Variants in KAT6A observed in about 807,000 individuals in gnomAD.
The protein encoded by KAT6A is histone acetyltransferase KAT6A.
A neutral mutation model predicts 198.4 loss-of-function variants in KAT6A; 9 were observed. That is an observed-to-expected ratio of 0.05 (90% CI 0.03 to 0.08). The LOEUF is 0.08. Ranked by LOEUF, KAT6A falls within the 10% of genes least tolerant of loss-of-function variation. The probability of loss-of-function intolerance (pLI) is 1.00; values close to 1 mark genes in which losing one functional copy is unlikely to be tolerated. For missense variants in KAT6A, 2,077 were observed against 2,509.9 expected, an observed-to-expected ratio of 0.83 and a Z score of 3.69; for synonymous variants, 890 against 883.0, an observed-to-expected ratio of 1.01 and a Z score of -0.14.
chr8:41,940,501 T>C (rs1371493362), intron 15 of KAT6A, among the ~76,000 whole-genome samples: 1 of 152,200 alleles, frequency 6.6e-6, no homozygotes, highest in Non-Finnish European at 1.5e-5. Context: ...TTTAAAAATA[T>C]CTTTTAAAGA....
intron 2 of KAT6A, among the ~76,000 whole-genome samples, chr8:42,038,227 C>A (rs531762778): frequency 3.0e-4 from 46 of 152,240 alleles, no homozygotes; most frequent in African/African-American, 9.4e-4. Flanking sequence ...TCAAGGAGTA[C>A]TTTTTCTTCC....
At chr8:41,936,394 G>A (rs561748594) in intron 16 of KAT6A, among the ~76,000 whole-genome samples, 25 of 152,330 alleles carry the variant, frequency 1.6e-4, no homozygotes, top group Non-Finnish European at 2.8e-4. Flanking sequence ...ACCAGTTAAT[G>A]CATAAAAGCT....
chr8:41,978,790 A>T lies in KAT6A; in HGVS notation c.908-13T>A. On this transcript the variant is annotated splice_polypyrimidine_tract_variant and intron_variant, in intron 5 of 16. Transcript: ENST00000265713. ...CATATCCACATGCCTATAAAAAAAT[A>T]AAATTCCACATAGAAGTGTGACAGA... 1 of 1,611,262 alleles carries T rather than the reference A, an allele frequency of 6.2e-7. No individual in the cohort carries two copies. The highest frequency in any genetic ancestry group is 1.3e-5 in the African/African-American group (1 of 74,824).
intron 8 of KAT6A, among the ~76,000 whole-genome samples, chr8:41,965,033 T>C (rs1823396315): frequency 6.6e-6 from 1 of 152,080 alleles, no homozygotes. Flanking sequence ...GATCAACAAA[T>C]ATTTGAGGAC....
chr8:41,944,448 A>G (rs1170044609), intron 12 of KAT6A, among the ~76,000 whole-genome samples: 1 of 152,184 alleles, frequency 6.6e-6, no homozygotes, highest in Non-Finnish European at 1.5e-5. Context: ...ACTCCTCACA[A>G]TTACCTATCA....
chr8:41,932,396 A>G lies in KAT6A; in HGVS notation c.5824T>C (p.Tyr1942His). Residue 1942 changes from tyrosine (Y) to histidine (H), a missense_variant, in exon 17 of 17, where the codon TAC (tyrosine) becomes CAC (histidine). Physicochemically the swap from Tyr to His is moderately conservative, Grantham distance 83 (BLOSUM62 2). Transcript: ENST00000265713. Reference protein sequence around the residue: ...MNSSYHSNPAYMNQTAQYPMQ... With the variant: ...MNSSYHSNPAHMNQTAQYPMQ... ...GGATACTGTGCTGTCTGGTTCATGT[A>G]GGCAGGGTTACTATGGTAACTGCTG... is the stretch of plus-strand genomic sequence containing the variant. 6.2e-7 allele frequency: 1 copy of G among 1,614,220 alleles called. No homozygotes were observed. Among genetic ancestry groups the G allele is most frequent in the Non-Finnish European group, 8.5e-7 (1 of 1,180,038 alleles).
rs1362921589 is a variant in KAT6A, at chr8:41,977,033, T to C, written c.1338A>G (p.Lys446=). Residue 446 remains lysine (K), a synonymous_variant, in exon 7 of 17, where the codon AAA becomes AAG. Transcript: ENST00000265713. The stretch of plus-strand genomic sequence containing the variant: ...CTGTGGGCCAATCTGAAGTGCTTGA[T>C]TTCCTGTTGCCCCTCTTTCTGATTC... The part of the protein sequence containing the change: ...QYRIRKRGNR[K]SSTSDWPTDN... 1.2e-6 allele frequency: 2 copies of C among 1,609,836 alleles called. No homozygotes were observed. The highest frequency in any genetic ancestry group is 1.7e-5 in the Admixed American group (1 of 59,690).
rs141724678 is a variant in KAT6A, at chr8:41,941,364, A to G, written c.2517T>C (p.Ala839=). The G allele has an allele frequency of 3.0e-5, 48 of 1,611,604 alleles. No homozygotes were observed. The highest frequency in any genetic ancestry group is 2.8e-4 in the Admixed American group (17 of 59,944). The change falls in exon 15 of 17, where the codon GCT becomes GCC. Residue 839 remains alanine (A), a synonymous_variant. Coordinates refer to ENST00000265713, the MANE Select transcript of KAT6A (RefSeq NM_006766.5). The part of the protein sequence containing the change: ...VESEKKPEVM[A]PVSSTRLSKQ... Reference sequence around the variant, plus strand: ...TGCTCAAACGTGTAGAACTGACTGGAGCCATAACTTCTGGTTTCTTTTCAC... The same window carrying G: ...TGCTCAAACGTGTAGAACTGACTGGGGCCATAACTTCTGGTTTCTTTTCAC...
chr8:41,977,984 C>T (rs774899345), intron 6 of KAT6A, among the ~76,000 whole-genome samples: 9 of 152,182 alleles, frequency 5.9e-5, no homozygotes, highest in Non-Finnish European at 8.8e-5. Context: ...AAGACGTTTA[C>T]ATATCATCAA....
rs375026510 is a variant in KAT6A at position 41,981,519 on chromosome 8, A to G, written c.825+320T>C. Reference sequence around the variant, plus strand: ...CTGCTTTAATAATGAGAAAAGGGCGACTTGTAATTAATATATCAACTGACC... The same window carrying G: ...CTGCTTTAATAATGAGAAAAGGGCGGCTTGTAATTAATATATCAACTGACC... On this transcript the variant is annotated intron_variant, in intron 4 of 16. Transcript: ENST00000265713. Among the ~76,000 whole-genome samples, 16 of 152,334 alleles carry G rather than the reference A, an allele frequency of 1.1e-4. No individual in the cohort carries two copies. The East Asian group carries it at 1.2e-3, about 11-fold the overall frequency.
rs755194848 is a variant in KAT6A, at chr8:41,937,270, G to T, written c.3338C>A (p.Ser1113Ter). ...GTAAAACATACCATCAGCATCATCT[G>T]ACTCTTCATCTTCTTCTTCATCTTT... is the stretch of plus-strand genomic sequence containing the variant. ...KSKDEEEDEE[S>*]DDADDTPILK... is the part of the protein sequence containing the mutation. Residue 1113 changes from serine to a stop codon, truncating the protein, a stop_gained, in exon 16 of 17, where the codon TCA (serine) becomes TAA (stop). Transcript: ENST00000265713. LOFTEE classifies it high-confidence loss of function. 6.2e-7 allele frequency: 1 copy of T among 1,612,840 alleles called. No individual in the cohort carries two copies. The highest frequency in any genetic ancestry group is 1.7e-5 in the Admixed American group (1 of 59,982).
intron 2 of KAT6A, among the ~76,000 whole-genome samples, chr8:42,037,943 G>T (rs1370992371): frequency 6.6e-6 from 1 of 152,022 alleles, no homozygotes; most frequent in African/African-American, 2.4e-5. Context: ...TTCCCCACAC[G>T]GTCTGTTTAC....
intron 8 of KAT6A, chr8:41,956,982 C>T (rs924547296): frequency 4.2e-5 from 21 of 501,346 alleles, no homozygotes; most frequent in Admixed American, 4.0e-4. Context: ...TAACTAAATA[C>T]CAGAAACCAG....
rs148148486 is a variant in KAT6A at position 41,933,868 on chromosome 8, G to A, written c.4352C>T (p.Ala1451Val). The A allele has an allele frequency of 3.6e-5, 58 of 1,613,974 alleles. No homozygotes were observed. The highest frequency in any genetic ancestry group is 4.2e-5 in the Non-Finnish European group (50 of 1,180,018). Residue 1451 changes from alanine to valine, a missense_variant, in exon 17 of 17, where the codon GCG (alanine) becomes GTG (valine). Coordinates refer to ENST00000265713, the MANE Select transcript of KAT6A (RefSeq NM_006766.5). The surrounding 1 kb of genome is among the most constrained non-coding windows in gnomAD (Gnocchi z 6.2). ...GAYQDCEETL[A>V]ACQTLQSYTQ... ...GTAACTCTGCAGGGTCTGACACGCC[G>A]CAAGAGTTTCCTCACAGTCCTGGTA... is the stretch of plus-strand genomic sequence containing the variant.
At chr8:41,935,929 T>G (rs984730323) in intron 16 of KAT6A, among the ~76,000 whole-genome samples, 4 of 152,256 alleles carry the variant, frequency 2.6e-5, no homozygotes, top group Non-Finnish European at 5.9e-5. Flanking sequence ...GAATCATTCA[T>G]GATAGAGCAA....
Position 41,931,212 on chromosome 8 carries a change from G to A in KAT6A, c.*993C>T, listed in dbSNP as rs1194869949. The A allele has an allele frequency of 3.1e-5, 7 of 222,894 alleles. No individual in the cohort carries two copies. The highest frequency in any genetic ancestry group is 6.3e-5 in the Non-Finnish European group (7 of 111,370). The allele number at this position is 222,894 out of a possible 1,614,324, so 13.8% of individuals were successfully genotyped here. A position where few individuals can be genotyped will look rare whatever the true frequency, so the allele number is the denominator to read the frequency against. Reference sequence around the variant, plus strand: ...TGAGTTTTATCAGTCAAAGGCTCAAGCATCAAGACCCTCAGTTAGCATTTC... The same window carrying A: ...TGAGTTTTATCAGTCAAAGGCTCAAACATCAAGACCCTCAGTTAGCATTTC... On this transcript the variant is annotated 3_prime_UTR_variant, in exon 17 of 17. Coordinates refer to ENST00000265713, the MANE Select transcript of KAT6A (RefSeq NM_006766.5).
At chr8:41,993,819 A>G (rs1234441939) in intron 2 of KAT6A, among the ~76,000 whole-genome samples, 1 of 152,244 alleles carries the variant, frequency 6.6e-6, no homozygotes, top group African/African-American at 2.4e-5. Flanking sequence ...CTATATTGTT[A>G]AAAGCATTTA....
chr8:42,023,974 T>C lies in KAT6A; in HGVS notation c.600+24404A>G, dbSNP rs868311535. On this transcript the variant is annotated intron_variant, in intron 2 of 16. Transcript: ENST00000265713. ...CTTTCCCCACTGGAAAGTGGGGTGA[T>C]ACCACATATGGAGCTGTCATCTCCT... is the stretch of plus-strand genomic sequence containing the variant. 1.3e-4 allele frequency among the ~76,000 whole-genome samples: 20 copies of C among 152,280 alleles called. No individual in the cohort carries two copies. The South Asian group carries it at 2.3e-3, about 17-fold the overall frequency.
At chr8:41,966,965 G>GT (rs1187610632) in intron 8 of KAT6A, among the ~76,000 whole-genome samples, 1 of 152,130 alleles carries the variant, frequency 6.6e-6, no homozygotes, top group South Asian at 2.1e-4. Flanking sequence ...GTAAAATGGG[G>GT]TAACACCTCT....
Sources: allele counts gnomAD v4.1 joint callset (sites outside exome capture counted in the v4.1 genomes callset), GRCh38; gene constraint gnomAD v4.1.1; non-coding constraint Gnocchi (gnomAD v3.1); transcripts MANE v1.5; gene names NCBI Gene and HGNC (gene_info 2026-07-23, HGNC 2026-07-21).